Variants in KCNIP1 observed in about 807,000 individuals in gnomAD.
KCNIP1 encodes A-type potassium channel modulatory protein KCNIP1.
Under a neutral mutation model 33.0 loss-of-function variants are expected in KCNIP1, and 18 were observed. The observed-to-expected ratio is 0.55, with a 90% confidence interval of 0.38 to 0.81. The LOEUF is 0.81. KCNIP1 is among the 30% of genes least tolerant of loss of function. The probability of loss-of-function intolerance (pLI) is 0.00; values close to 1 mark genes in which losing one functional copy is unlikely to be tolerated. For missense variants in KCNIP1, 238 were observed against 271.6 expected, an observed-to-expected ratio of 0.88 and a Z score of 0.87; for synonymous variants, 93 against 98.3, an observed-to-expected ratio of 0.95 and a Z score of 0.32.
chr5:170,412,993 T>C (rs1755237674), intron 1 of KCNIP1, among the ~76,000 whole-genome samples: 1 of 152,188 alleles, frequency 6.6e-6, no homozygotes, highest in Non-Finnish European at 1.5e-5. Flanking sequence ...GAAACTGCAG[T>C]GGCGATTGTT....
chr5:170,609,191 C>T (rs1315470078), intron 1 of KCNIP1, among the ~76,000 whole-genome samples: 1 of 152,200 alleles, frequency 6.6e-6, no homozygotes, highest in Non-Finnish European at 1.5e-5. Flanking sequence ...TGAGAAGGCG[C>T]TTCCTCTCTT....
Position 170,703,253 on chromosome 5 carries a change from T to C in KCNIP1, c.62-15505T>C, listed in dbSNP as rs1462534618. ...ATGGTAGGAGGCAGAGGAAAGGAAT[T>C]GTTGAACAGGGATTGCAGATTCAGG... is the stretch of plus-strand genomic sequence containing the variant. On this transcript the variant is annotated intron_variant, in intron 1 of 7. Transcript: ENST00000328939. Among the ~76,000 whole-genome samples, 4 of 137,534 alleles carry C rather than the reference T, an allele frequency of 2.9e-5. 1 individual carries two copies. The highest frequency in any genetic ancestry group is 1.1e-4 in the African/African-American group (4 of 37,498). 90.2% of individuals were successfully genotyped at this position (137,534 alleles called of 152,430 possible).
chr5:170,680,862 T>G (rs1345100650), intron 1 of KCNIP1: 3 of 386,398 alleles, frequency 7.8e-6, no homozygotes, highest in African/African-American at 2.1e-5. Flanking sequence ...AATATTACTA[T>G]GAAACATAGA....
chr5:170,697,572 A>T (rs1762939887), intron 1 of KCNIP1, among the ~76,000 whole-genome samples: 1 of 152,184 alleles, frequency 6.6e-6, no homozygotes, highest in South Asian at 2.1e-4. Context: ...GTTAATGCCC[A>T]GTGCCCCAGC....
intron 1 of KCNIP1, among the ~76,000 whole-genome samples, chr5:170,403,316 G>A (rs1039004747): frequency 6.6e-6 from 1 of 152,252 alleles, no homozygotes; most frequent in Non-Finnish European, 1.5e-5. Flanking sequence ...AGTTAGGAAA[G>A]ATTCAAGAGC....
At chr5:170,511,788 A>G (rs1194724689) in intron 1 of KCNIP1, among the ~76,000 whole-genome samples, 1 of 152,228 alleles carries the variant, frequency 6.6e-6, no homozygotes, top group African/African-American at 2.4e-5. Context: ...TGGGAATCGC[A>G]GAGCCTGGTT....
upstream of KCNIP1, among the ~76,000 whole-genome samples, chr5:170,501,046 A>G (rs543044497): frequency 6.6e-6 from 1 of 152,360 alleles, no homozygotes; most frequent in South Asian, 2.1e-4. Context: ...GAGGTTAAGC[A>G]GAAAGTAGAG....
intron 1 of KCNIP1, among the ~76,000 whole-genome samples, chr5:170,572,907 C>T (rs1316834311): frequency 6.6e-6 from 1 of 152,240 alleles, no homozygotes; most frequent in African/African-American, 2.4e-5. Flanking sequence ...ATTCCGGATA[C>T]GGTGCCAGGA....
At chr5:170,534,513 G>GAGA (rs61690608) in intron 1 of KCNIP1, among the ~76,000 whole-genome samples, 1 of 150,488 alleles carries the variant, frequency 6.6e-6, no homozygotes, top group Non-Finnish European at 1.5e-5. Context: ...GGAGGAGAAG[G>GAGA]AGAAGAAGGA....
intron 1 of KCNIP1, among the ~76,000 whole-genome samples, chr5:170,455,495 T>C (rs1217122781): frequency 6.6e-6 from 1 of 152,220 alleles, no homozygotes; most frequent in East Asian, 1.9e-4. Context: ...ACAAGCCACA[T>C]GCCTGGCCCA....
chr5:170,711,209 A>G (rs1418424858), intron 1 of KCNIP1, among the ~76,000 whole-genome samples: 1 of 151,744 alleles, frequency 6.6e-6, no homozygotes, highest in Admixed American at 6.6e-5. Context: ...AGTTCCTACC[A>G]CTCTCTATAG....
chr5:170,649,000 T>C (rs1427583384), intron 1 of KCNIP1, among the ~76,000 whole-genome samples: 1 of 152,140 alleles, frequency 6.6e-6, no homozygotes, highest in Admixed American at 6.5e-5. Flanking sequence ...AATTAAGAAA[T>C]TTAATAAAGA....
At chr5:170,402,809 C>T (rs1754942399) in intron 1 of KCNIP1, among the ~76,000 whole-genome samples, 1 of 152,088 alleles carries the variant, frequency 6.6e-6, no homozygotes, top group Non-Finnish European at 1.5e-5. Context: ...GTCAGCTGGC[C>T]ACGGCTGCCA....
chr5:170,408,896 A>G (rs1400400032), intron 1 of KCNIP1, among the ~76,000 whole-genome samples: 1 of 152,196 alleles, frequency 6.6e-6, no homozygotes, highest in Non-Finnish European at 1.5e-5. Flanking sequence ...AGGGAAAGTC[A>G]GGCTGCTCTG....
At chr5:170,553,948 G>A (rs115560929) in intron 1 of KCNIP1, among the ~76,000 whole-genome samples, 2,473 of 152,266 alleles carry the variant, frequency 0.016, 20 homozygotes, top group Non-Finnish European at 0.026. Flanking sequence ...GGTGGACAAG[G>A]CAGAAAGGCA....
chr5:170,627,952 C>A (rs1024826255), intron 1 of KCNIP1, among the ~76,000 whole-genome samples: 1 of 152,174 alleles, frequency 6.6e-6, no homozygotes, highest in Non-Finnish European at 1.5e-5. Context: ...AAACTTTTAA[C>A]CAAAATGCCT....
intron 1 of KCNIP1, among the ~76,000 whole-genome samples, chr5:170,694,964 A>G (rs73319395): frequency 0.022 from 3,370 of 152,300 alleles, 139 homozygotes; most frequent in African/African-American, 0.077. Context: ...AGCTTTATTG[A>G]CTTACAATAG....
chr5:170,675,226 G>C (rs1314544352), intron 1 of KCNIP1, among the ~76,000 whole-genome samples: 2 of 151,930 alleles, frequency 1.3e-5, no homozygotes, highest in East Asian at 3.9e-4. Context: ...TCGAGCCCAG[G>C]GGGCTGAGGC....
chr5:170,624,021 GGCCCTGGCCTGAT>G (rs921480633), intron 1 of KCNIP1, among the ~76,000 whole-genome samples: 1 of 152,202 alleles, frequency 6.6e-6, no homozygotes, highest in African/African-American at 2.4e-5. Context: ...GGGAAATAGT[GGCCCTGGCCTGAT>G]GCCCTGACCT....
Sources: allele counts gnomAD v4.1 joint callset (sites outside exome capture counted in the v4.1 genomes callset), GRCh38; gene constraint gnomAD v4.1.1; transcripts MANE v1.5; gene names NCBI Gene and HGNC (gene_info 2026-07-23, HGNC 2026-07-21).